ANKRD26: variants seen among roughly 807,000 people sequenced by gnomAD.
The protein encoded by ANKRD26 is ankyrin repeat domain 26.
A neutral mutation model predicts 208.7 loss-of-function variants in ANKRD26; 141 were observed. The observed-to-expected ratio is 0.68, with a 90% CI of 0.59 to 0.78. The LOEUF (loss-of-function observed/expected upper bound fraction) is 0.78. ANKRD26 is among the 30% of genes least tolerant of loss of function. The pLI is 0.00. For synonymous variants in ANKRD26, 636 were observed against 660.4 expected (o/e 0.96, Z 0.57); for missense variants, 1,889 against 1,938.7 (o/e 0.97, Z 0.48).
intron 16 of ANKRD26, chr10:27,051,696 A>G: frequency 1.0e-6 from 1 of 985,388 alleles, no homozygotes; most frequent in Non-Finnish European, 1.2e-6. Context: ...GCCATTTTCG[A>G]GACTGAGTAC....
At chr10:27,079,409 C>T (rs2055821905) in intron 6 of ANKRD26, among the ~76,000 whole-genome samples, 1 of 152,214 alleles carries the variant, frequency 6.6e-6, no homozygotes, top group South Asian at 2.1e-4. Context: ...AAAGACTCAA[C>T]CTTAGTTCTA....
chr10:27,080,955 C>T lies in ANKRD26; in HGVS notation c.741-1794G>A, dbSNP rs151243663. ...GGGAAAGGAGGCAGAGGTGAGGGGA[C>T]ACCTGCCCTGGGCCACAGATCTATG... On this transcript the variant is annotated intron_variant, in intron 6 of 33. Transcript: ENST00000376087. 3,158 of 985,402 alleles carry T rather than the reference C, an allele frequency of 3.2e-3. 7 individuals carry two copies. Among genetic ancestry groups the T allele is most frequent in the Non-Finnish European group, 3.6e-3 (2,995 of 829,916 alleles). 61.0% of individuals were successfully genotyped at this position (985,402 alleles called of 1,614,324 possible). A position where few individuals can be genotyped will look rare whatever the true frequency, so the allele number is the denominator to read the frequency against.
intron 16 of ANKRD26, among the ~76,000 whole-genome samples, chr10:27,053,116 A>G (rs2054718493): frequency 6.6e-6 from 1 of 152,188 alleles, no homozygotes. Context: ...AACAAAAACA[A>G]AAACAAAAAC....
At chr10:27,089,871 T>G (rs2056243014) in intron 4 of ANKRD26, among the ~76,000 whole-genome samples, 1 of 150,612 alleles carries the variant, frequency 6.6e-6, no homozygotes, top group Non-Finnish European at 1.5e-5. Flanking sequence ...TTCTGGCTGA[T>G]GAAGTAGGCT....
chr10:27,044,171 T>C lies in ANKRD26; in HGVS notation c.2005A>G (p.Asn669Asp), dbSNP rs368602859. The C allele has an allele frequency of 1.2e-4, 165 of 1,424,796 alleles. 1 individual carries two copies. Among genetic ancestry groups the C allele is most frequent in the Middle Eastern group, 4.3e-4 (2 of 4,642 alleles). 88.3% of individuals were successfully genotyped at this position (1,424,796 alleles called of 1,614,324 possible). A position where few individuals can be genotyped will look rare whatever the true frequency, so the allele number is the denominator to read the frequency against. The change falls in exon 19 of 34, where the codon AAT (asparagine) becomes GAT (aspartate). Residue 669 changes from asparagine to aspartate, a missense_variant. Asn to Asp is a conservative substitution (Grantham distance 23). This residue lies in a region of ANKRD26 where 1,272 missense variants were observed against 1,273.8 expected (regional missense o/e 1.00). Transcript: ENST00000376087. The stretch of plus-strand genomic sequence containing the variant: ...TTTTACAGTACCTTGTTCTTTTCAT[T>C]AGATGTTTTCTTAGTAGGCCTAAAA... ...DEGRPTKKTS[N>D]EKNKVKNQIQ...
the ANKRD26 span, among the ~76,000 whole-genome samples, chr10:26,953,360 A>G: frequency 6.6e-6 from 1 of 152,192 alleles, no homozygotes; most frequent in East Asian, 1.9e-4. Flanking sequence ...GAAGTTCGAG[A>G]GTTCGAGGCT....
At position 27,093,498 on chromosome 10, in the gene ANKRD26, A is replaced by G. The variant is rs1315818886; in HGVS notation, c.382T>C (p.Cys128Arg). The G allele has an allele frequency of 1.2e-6, 2 of 1,614,082 alleles. No homozygotes were observed. Among genetic ancestry groups the G allele is most frequent in the Admixed American group, 1.7e-5 (1 of 60,002 alleles). The stretch of plus-strand genomic sequence containing the variant: ...CCATGTTCTAGCAGAATAGTTGCAC[A>G]TTTCTCTTCCTGGCATTGTACAGCC... ...MKAVQCQEEK[C>R]ATILLEHGAD... Residue 128 changes from cysteine (C) to arginine (R), a missense_variant, in exon 3 of 34, where the codon TGT (cysteine) becomes CGT (arginine). Cys to Arg is a radical substitution (Grantham distance 180). Transcript: ENST00000376087.
chr10:27,048,809 C>A lies in ANKRD26; in HGVS notation c.1806G>T (p.Glu602Asp). The change falls in exon 17 of 34, where the codon GAG becomes GAT. Residue 602 changes from glutamate (E) to aspartate (D), a missense_variant. Physicochemically the swap from Glu to Asp is conservative, Grantham distance 45 (BLOSUM62 2). Transcript: ENST00000376087. ...HQQFPRKENK[E>D]YASSGPALQM... Reference sequence around the variant, plus strand: ...ATATGCTATCAGCTTACCTAGCATACTCTTTATTTTCCTTCCTGGGAAATT... The same window carrying A: ...ATATGCTATCAGCTTACCTAGCATAATCTTTATTTTCCTTCCTGGGAAATT... 2 of 1,612,942 alleles carry A rather than the reference C, an allele frequency of 1.2e-6. No individual in the cohort carries two copies. The highest frequency in any genetic ancestry group is 1.7e-6 in the Non-Finnish European group (2 of 1,179,492).
intron 17 of ANKRD26, among the ~76,000 whole-genome samples, chr10:27,048,433 A>AT (rs1259934526): frequency 6.6e-6 from 1 of 152,152 alleles, no homozygotes; most frequent in Non-Finnish European, 1.5e-5. Flanking sequence ...TGTAAGTCAT[A>AT]TTTTCCTGTA....
At chr10:26,948,839 A>C in the ANKRD26 span, among the ~76,000 whole-genome samples, 2,793 of 152,080 alleles carry the variant, frequency 0.018, 38 homozygotes, top group African/African-American at 0.031. Context: ...AAGACCCCCC[A>C]AAAAAATTAG....
intron 9 of ANKRD26, among the ~76,000 whole-genome samples, chr10:27,068,860 TAA>T (rs79173744): frequency 0.039 from 4,916 of 125,524 alleles, 88 homozygotes; most frequent in Non-Finnish European, 0.045. Flanking sequence ...TTGGGCATCC[TAA>T]AAAAAAAAAA....
intron 9 of ANKRD26, among the ~76,000 whole-genome samples, chr10:27,068,186 C>G (rs1310147254): frequency 1.3e-5 from 2 of 152,182 alleles, no homozygotes; most frequent in Non-Finnish European, 2.9e-5. Flanking sequence ...GAGGAGATAA[C>G]TGGATCATGC....
At chr10:27,099,315 A>G (rs745673631) in intron 1 of ANKRD26, among the ~76,000 whole-genome samples, 2 of 150,290 alleles carry the variant, frequency 1.3e-5, no homozygotes, top group Non-Finnish European at 3.0e-5. Context: ...CAATGGTCAC[A>G]TATTATCATG....
In ANKRD26 at chr10:27,017,626, A is replaced by G. The variant is rs909047966; in HGVS notation, c.4382T>C (p.Leu1461Pro). 2 of 1,613,654 alleles carry G rather than the reference A, an allele frequency of 1.2e-6. No individual in the cohort carries two copies. The highest frequency in any genetic ancestry group is 1.7e-6 in the Non-Finnish European group (2 of 1,179,836). ...KKKLEQEVIN[L>P]RSHIERNMVE... ...CATATTCCTTTCTATATGACTTCTCAGGTTGATCACTTCTTGTTCCAACTT... is the reference window on the plus strand; with the variant it reads ...CATATTCCTTTCTATATGACTTCTCGGGTTGATCACTTCTTGTTCCAACTT... The change falls in exon 30 of 34, where the codon CTG (leucine) becomes CCG (proline). Residue 1461 changes from leucine to proline, a missense_variant. Coordinates refer to ENST00000376087, the MANE Select transcript of ANKRD26 (RefSeq NM_014915.3).
intron 20 of ANKRD26, among the ~76,000 whole-genome samples, 194 bp downstream of exon 20, chr10:27,043,232 G>C (rs562870916): frequency 3.3e-5 from 5 of 150,060 alleles, no homozygotes; most frequent in Admixed American, 6.6e-5. Context: ...AAAAATCCCT[G>C]CAAAAAATAT....
the ANKRD26 span, among the ~76,000 whole-genome samples, chr10:26,951,013 C>CTTTTCTTTT: frequency 2.9e-4 from 29 of 100,892 alleles, no homozygotes; most frequent in East Asian, 1.9e-3. Flanking sequence ...CTTTTCTTTT[C>CTTTTCTTTT]TTTTTCTTTT....
the ANKRD26 span, among the ~76,000 whole-genome samples, chr10:26,967,507 A>G: frequency 6.7e-6 from 1 of 148,848 alleles, no homozygotes; most frequent in Non-Finnish European, 1.5e-5. Context: ...GGCTTCAGTT[A>G]CCATCTAGTT....
intron 6 of ANKRD26, among the ~76,000 whole-genome samples, chr10:27,080,362 C>T (rs2055862975): frequency 6.6e-6 from 1 of 151,972 alleles, no homozygotes; most frequent in South Asian, 2.1e-4. Context: ...ATAAGGAGTC[C>T]CCTGAAATGT....
chr10:27,086,630 CA>C (rs1564428872), intron 4 of ANKRD26, 21 bp from the exon 5 acceptor site: 2 of 1,590,674 alleles, frequency 1.3e-6, no homozygotes, highest in Non-Finnish European at 1.7e-6. Flanking sequence ...AAAAATGTAA[CA>C]AAATTATGTT....
Sources: allele counts gnomAD v4.1 joint callset (sites outside exome capture counted in the v4.1 genomes callset), GRCh38; gene constraint gnomAD v4.1.1; regional missense constraint gnomAD v4.1.1; transcripts MANE v1.5; gene names NCBI Gene and HGNC (gene_info 2026-07-23, HGNC 2026-07-21).